Variants in ABCC2 observed in about 807,000 individuals in gnomAD.
The protein encoded by ABCC2 is ATP binding cassette subfamily C member 2, also known as ATP-binding cassette sub-family C member 2.
ABCC2 carries 157 observed loss-of-function variants against 173.4 expected under a neutral mutation model. That is an observed-to-expected ratio of 0.91 (90% CI 0.80 to 1.03). The LOEUF (loss-of-function observed/expected upper bound fraction) is 1.03. ABCC2 is among the 50% of genes least tolerant of loss of function. The probability of loss-of-function intolerance (pLI) is 0.00; values close to 1 mark genes in which losing one functional copy is unlikely to be tolerated. For synonymous variants in ABCC2, 657 were observed against 693.5 expected (o/e 0.95, Z 0.83); for missense variants, 1,822 against 1,852.3 (o/e 0.98, Z 0.30).
rs56720847 is a variant in ABCC2 at position 99,802,499 on chromosome 10, GTT to G, written c.1210-1508_1210-1507del. Among the ~76,000 whole-genome samples the G allele has an allele frequency of 1.5e-3, 227 of 147,272 alleles. 1 individual carries two copies. The highest frequency in any genetic ancestry group is 7.1e-3 in the South Asian group (33 of 4,658). ...GGGCAATTAGATGTTGTTAGTTGTT[GTT>G]TTTTTTTTTTTCCCCTCTTCCATAC... On this transcript the variant is annotated intron_variant, in intron 9 of 31. Transcript: ENST00000647814.
intron 29 of ABCC2, 69 bp from the exon 30 acceptor site, chr10:99,846,892 A>G: frequency 6.3e-7 from 1 of 1,589,810 alleles, no homozygotes; most frequent in Non-Finnish European, 8.6e-7. Context: ...ACCATCTCCC[A>G]GTCCTGAGGA....
intron 20 of ABCC2, 101 bp downstream of exon 20, chr10:99,830,534 G>A: frequency 1.9e-6 from 3 of 1,576,222 alleles, no homozygotes; most frequent in Non-Finnish European, 2.6e-6. Context: ...TAACACCATG[G>A]ACACTCCAAG....
At chr10:99,849,111 C>T (rs575084703) in intron 30 of ABCC2, among the ~76,000 whole-genome samples, 22 of 152,240 alleles carry the variant, frequency 1.4e-4, no homozygotes, top group African/African-American at 5.3e-4. Context: ...GTAATCCCAG[C>T]AGTAATCCCT....
Position 99,813,002 on chromosome 10 carries a change from C to T in ABCC2, c.1968-16C>T. ...CAACCCCTGCTATCTCCTTCAAAGA[C>T]ATTCCTGTCTTTCAGTGTGAACCTG... On this transcript the variant is annotated splice_polypyrimidine_tract_variant and intron_variant, in intron 15 of 31. Transcript: ENST00000647814. The T allele has an allele frequency of 1.9e-6, 3 of 1,613,622 alleles. No individual in the cohort carries two copies.
intron 11 of ABCC2, among the ~76,000 whole-genome samples, chr10:99,806,993 A>G (rs908891287): frequency 5.9e-5 from 9 of 152,220 alleles, no homozygotes; most frequent in Admixed American, 5.2e-4. Flanking sequence ...AAGTTTGGCA[A>G]GGTTCCCTTG....
intron 30 of ABCC2, among the ~76,000 whole-genome samples, chr10:99,849,192 T>C (rs1035562670): frequency 1.3e-5 from 2 of 152,158 alleles, no homozygotes; most frequent in Non-Finnish European, 2.9e-5. Context: ...ATTGCGCCAT[T>C]GCACTCCAGC....
In ABCC2 at chr10:99,814,602, CATATGTGTATATACACATATACACACAT is replaced by C. The variant is rs1564685517; in HGVS notation, c.2094+1461_2094+1488del. ...ATGTGTATATACACATATACACACA[CATATGTGTATATACACATATACACACAT>C]ATGTGTATATACACATATACACACA... is the stretch of plus-strand genomic sequence containing the variant. On this transcript the variant is annotated intron_variant, in intron 16 of 31. Coordinates refer to ENST00000647814, the MANE Select transcript of ABCC2 (RefSeq NM_000392.5). 3.5e-3 allele frequency among the ~76,000 whole-genome samples: 289 copies of C among 83,438 alleles called. 39 individuals are homozygous for C. The highest frequency in any genetic ancestry group is 5.2e-3 in the South Asian group (14 of 2,704). The allele number at this position is 83,438 out of a possible 152,430, so 54.7% of individuals were successfully genotyped here. A position where few individuals can be genotyped will look rare whatever the true frequency, so the allele number is the denominator to read the frequency against.
intron 6 of ABCC2, among the ~76,000 whole-genome samples, chr10:99,794,984 T>C (rs1471984022): frequency 6.6e-6 from 1 of 152,108 alleles, no homozygotes; most frequent in Non-Finnish European, 1.5e-5. Context: ...GGAGGGGGAT[T>C]TGTTTTTGGT....
At chr10:99,806,043 T>C (rs912012623) in intron 11 of ABCC2, among the ~76,000 whole-genome samples, 2 of 149,636 alleles carry the variant, frequency 1.3e-5, no homozygotes, top group Non-Finnish European at 2.9e-5. Flanking sequence ...TAATTGATAG[T>C]GATTTTAATC....
chr10:99,792,587 T>A (rs565322096), intron 3 of ABCC2, among the ~76,000 whole-genome samples: 2 of 152,256 alleles, frequency 1.3e-5, no homozygotes, highest in Non-Finnish European at 2.9e-5. Flanking sequence ...TTAGCTTTCA[T>A]GACTAAGATG....
rs4148395 is a variant in ABCC2, at chr10:99,830,168, G to A, written c.2621-139G>A. 183,087 of 922,652 alleles carry A rather than the reference G, an allele frequency of 0.2. 18,938 individuals are homozygous for A. Among genetic ancestry groups the A allele is most frequent in the South Asian group, 0.28 (20,176 of 72,768 alleles). The allele number at this position is 922,652 out of a possible 1,614,324, so 57.2% of individuals were successfully genotyped here. ...TAACTATGTATGGAGTATTTATGGAGTAAAGTATTCCATGCTGTATGTACA... is the reference window on the plus strand; with the variant it reads ...TAACTATGTATGGAGTATTTATGGAATAAAGTATTCCATGCTGTATGTACA... On this transcript the variant is annotated intron_variant, in intron 19 of 31. Transcript: ENST00000647814.
chr10:99,801,118 T>C (rs903453821), intron 9 of ABCC2, among the ~76,000 whole-genome samples: 1 of 152,142 alleles, frequency 6.6e-6, no homozygotes, highest in African/African-American at 2.4e-5. Flanking sequence ...CTTTTTTCAG[T>C]TTGTAAATAC....
At chr10:99,792,791 CA>C (rs1254625039) in intron 3 of ABCC2, among the ~76,000 whole-genome samples, 1 of 152,108 alleles carries the variant, frequency 6.6e-6, no homozygotes, top group Non-Finnish European at 1.5e-5. Context: ...GGCATTTTTT[CA>C]GGGGGTGGGG....
In ABCC2 at chr10:99,819,138, A is replaced by C; in HGVS notation, c.2489A>C (p.Glu830Ala). The change falls in exon 19 of 32, where the codon GAG (glutamate) becomes GCG (alanine). Residue 830 changes from glutamate to alanine, a missense_variant. Physicochemically the swap from Glu to Ala is moderately radical, Grantham distance 107. Transcript: ENST00000647814. The stretch of plus-strand genomic sequence containing the variant: ...ATGCACTTTCTTCCTCAAGTGGATG[A>C]GATTGTAGTTCTGGGGAATGGAACA... ...HSMHFLPQVD[E>A]IVVLGNGTIV... The C allele has an allele frequency of 6.2e-7, 1 of 1,614,206 alleles. No individual in the cohort carries two copies. Among genetic ancestry groups the C allele is most frequent in the Non-Finnish European group, 8.5e-7 (1 of 1,180,022 alleles).
At chr10:99,845,309 A>T (rs2039001311) in intron 28 of ABCC2, among the ~76,000 whole-genome samples, 2 of 152,194 alleles carry the variant, frequency 1.3e-5, no homozygotes, top group Admixed American at 6.6e-5. Flanking sequence ...CTGGGATTAT[A>T]GGCATGAGCC....
chr10:99,825,468 C>A (rs2038619725), intron 19 of ABCC2, among the ~76,000 whole-genome samples: 1 of 152,268 alleles, frequency 6.6e-6, no homozygotes, highest in African/African-American at 2.4e-5. Flanking sequence ...TTCTCTGAGA[C>A]CTGACTTGCC....
At chr10:99,799,679 C>A (rs1364930571) in intron 8 of ABCC2, among the ~76,000 whole-genome samples, 3 of 152,038 alleles carry the variant, frequency 2.0e-5, no homozygotes, top group Non-Finnish European at 2.9e-5. Flanking sequence ...GGGTAGCATA[C>A]CCCTGGAGAG....
In ABCC2 at chr10:99,811,541, G is replaced by T; in HGVS notation, c.1906G>T (p.Ala636Ser). The T allele has an allele frequency of 1.2e-6, 2 of 1,614,118 alleles. No homozygotes were observed. The highest frequency in any genetic ancestry group is 1.7e-6 in the Non-Finnish European group (2 of 1,179,982). The change falls in exon 15 of 32, where the codon GCC (alanine) becomes TCC (serine). Residue 636 changes from alanine to serine, a missense_variant. By Grantham distance (99) the Ala-to-Ser change is moderately conservative. Coordinates refer to ENST00000647814, the MANE Select transcript of ABCC2 (RefSeq NM_000392.5). ...AGAGGGCTTTTTCTCAACAGACAAA[G>T]CCATGCAGTTTTCTGAGGCCTCCTT... is the stretch of plus-strand genomic sequence containing the variant. The part of the protein sequence containing the change: ...AIRHDCNFDK[A>S]MQFSEASFTW...
intron 7 of ABCC2, 22 bp from the exon 8 acceptor site, chr10:99,799,185 T>C (rs968164660): frequency 3.1e-6 from 5 of 1,613,488 alleles, no homozygotes; most frequent in Admixed American, 3.3e-5. Context: ...CTGTGGACAC[T>C]GTTGTTTGGT....
Sources: allele counts gnomAD v4.1 joint callset (sites outside exome capture counted in the v4.1 genomes callset), GRCh38; gene constraint gnomAD v4.1.1; transcripts MANE v1.5; gene names NCBI Gene and HGNC (gene_info 2026-07-23, HGNC 2026-07-21).